Variants in CDK6 observed in about 807,000 individuals in gnomAD.
The protein encoded by CDK6 is cyclin dependent kinase 6.
Under a neutral mutation model 37.1 loss-of-function variants are expected in CDK6, and 6 were observed. That is an observed-to-expected ratio of 0.16 (90% confidence interval 0.09 to 0.32). CDK6 has a LOEUF of 0.32. Among genes scored for constraint, CDK6 ranks in the 10% least tolerant of loss-of-function variants. The pLI is 1.00. For missense variants in CDK6, 224 were observed against 418.9 expected (o/e 0.53, Z 4.06); for synonymous variants, 160 against 161.3 (o/e 0.99, Z 0.06).
At chr7:92,770,140 A>G (rs1799674419) in intron 3 of CDK6, among the ~76,000 whole-genome samples, 1 of 152,152 alleles carries the variant, frequency 6.6e-6, no homozygotes, top group Non-Finnish European at 1.5e-5. Context: ...TATGTCAACA[A>G]TAAGTCTATG....
chr7:92,639,292 C>T (rs745925719), intron 5 of CDK6, among the ~76,000 whole-genome samples: 29 of 152,128 alleles, frequency 1.9e-4, no homozygotes, highest in African/African-American at 6.8e-4. Flanking sequence ...CATTATTAAA[C>T]GTTTGTTCTG....
intron 3 of CDK6, among the ~76,000 whole-genome samples, chr7:92,727,267 C>T (rs1248605614): frequency 6.6e-6 from 1 of 152,144 alleles, no homozygotes; most frequent in African/African-American, 2.4e-5. Context: ...GATTTCAGAG[C>T]TGGAAGGGGC....
chr7:92,744,365 A>G (rs1383236306), intron 3 of CDK6, among the ~76,000 whole-genome samples: 1 of 152,206 alleles, frequency 6.6e-6, no homozygotes, highest in African/African-American at 2.4e-5. Context: ...TAAAATCATC[A>G]GATCTCGTGA....
chr7:92,715,447 T>C (rs957157413), intron 4 of CDK6, among the ~76,000 whole-genome samples: 1 of 152,170 alleles, frequency 6.6e-6, no homozygotes. Context: ...TCCCTGAGAT[T>C]TGAAGGTAGA....
intron 5 of CDK6, 117 bp from the exon 6 acceptor site, chr7:92,623,203 T>TA (rs531445755): frequency 1.1e-4 from 76 of 694,236 alleles, no homozygotes; most frequent in South Asian, 9.2e-4. Flanking sequence ...TGGGAAGAAG[T>TA]AAAAAAAATT....
chr7:92,752,412 A>T (rs562995103), intron 3 of CDK6, among the ~76,000 whole-genome samples: 46 of 152,314 alleles, frequency 3.0e-4, no homozygotes, highest in African/African-American at 1.1e-3. Context: ...TAAACAGGGG[A>T]TAAGTTCTGG....
chr7:92,759,182 A>C (rs1215874522), intron 3 of CDK6, among the ~76,000 whole-genome samples: 1 of 152,180 alleles, frequency 6.6e-6, no homozygotes, highest in Non-Finnish European at 1.5e-5. Context: ...TCTTATCAGA[A>C]CAAGAAGAAT....
chr7:92,711,552 ATTTTTTTTTTTTTT>A (rs11285626), intron 4 of CDK6, among the ~76,000 whole-genome samples: 5 of 56,628 alleles, frequency 8.8e-5, no homozygotes, highest in East Asian at 7.6e-4. Context: ...GAATGGTCAA[ATTTTTTTTTTTTTT>A]TTTTTTTTTT....
chr7:92,829,763 G>A (rs951526829), intron 2 of CDK6, among the ~76,000 whole-genome samples: 1 of 152,058 alleles, frequency 6.6e-6, no homozygotes. Context: ...GGAAATTCCT[G>A]GTAACCGAAT....
intron 5 of CDK6, among the ~76,000 whole-genome samples, chr7:92,648,606 A>G (rs1234064382): frequency 6.6e-6 from 1 of 152,216 alleles, no homozygotes; most frequent in Non-Finnish European, 1.5e-5. Context: ...GTGCTGGCTG[A>G]AACTACAAAT....
chr7:92,795,874 A>C (rs1320433979), intron 2 of CDK6, among the ~76,000 whole-genome samples: 1 of 152,128 alleles, frequency 6.6e-6, no homozygotes, highest in Non-Finnish European at 1.5e-5. Flanking sequence ...TATTAAGTAC[A>C]TCTCTGTTAA....
chr7:92,661,895 T>A (rs1366859499), intron 5 of CDK6, among the ~76,000 whole-genome samples: 3 of 152,234 alleles, frequency 2.0e-5, no homozygotes, highest in Non-Finnish European at 2.9e-5. Context: ...TGTTATCTAT[T>A]ATTTTTATGA....
intron 3 of CDK6, among the ~76,000 whole-genome samples, chr7:92,748,896 G>C (rs1292343001): frequency 2.0e-5 from 3 of 152,032 alleles, no homozygotes; most frequent in African/African-American, 7.3e-5. Context: ...CAGGGGTGGT[G>C]GCACATGCCT....
chr7:92,630,066 G>A (rs1355540362), intron 5 of CDK6, among the ~76,000 whole-genome samples: 1 of 152,062 alleles, frequency 6.6e-6, no homozygotes, highest in Admixed American at 6.6e-5. Flanking sequence ...GGGCTTCAAT[G>A]TAAGAATTTT....
intron 4 of CDK6, among the ~76,000 whole-genome samples, chr7:92,705,370 T>C (rs868238607): frequency 6.6e-6 from 1 of 152,220 alleles, no homozygotes; most frequent in Non-Finnish European, 1.5e-5. Flanking sequence ...ATATAACAAG[T>C]AGTTGTTCAC....
At chr7:92,790,877 T>TTGCG (rs1159412455) in intron 2 of CDK6, among the ~76,000 whole-genome samples, 1 of 152,128 alleles carries the variant, frequency 6.6e-6, no homozygotes, top group African/African-American at 2.4e-5. Flanking sequence ...CCAAAGAAAG[T>TTGCG]GTGAGCAGGA....
intron 2 of CDK6, among the ~76,000 whole-genome samples, chr7:92,816,186 C>T (rs192438201): frequency 2.4e-4 from 37 of 152,244 alleles, no homozygotes; most frequent in African/African-American, 8.4e-4. Context: ...ATTAGACATG[C>T]AGCCATACAG....
At chr7:92,645,208 G>A (rs1585364182) in intron 5 of CDK6, among the ~76,000 whole-genome samples, 1 of 152,200 alleles carries the variant, frequency 6.6e-6, no homozygotes, top group Non-Finnish European at 1.5e-5. Context: ...CCGTATTACA[G>A]CTCCCAGGCT....
intron 2 of CDK6, among the ~76,000 whole-genome samples, chr7:92,790,069 C>G (rs1401053890): frequency 1.3e-5 from 2 of 152,156 alleles, no homozygotes; most frequent in South Asian, 4.1e-4. Flanking sequence ...CAACTTCTCT[C>G]TCCAAAATAG....
Sources: allele counts gnomAD v4.1 joint callset (sites outside exome capture counted in the v4.1 genomes callset), GRCh38; gene constraint gnomAD v4.1.1; transcripts MANE v1.5; gene names NCBI Gene and HGNC (gene_info 2026-07-23, HGNC 2026-07-21).